CEP20: variants seen among roughly 807,000 people sequenced by gnomAD.
The protein encoded by CEP20 is FGFR1OP N-terminal like.
Under a neutral mutation model 20.0 loss-of-function variants are expected in CEP20, and 18 were observed. The ratio of observed to expected loss-of-function variants is 0.90; its 90% CI spans 0.62 to 1.34. The LOEUF is 1.34. Among genes scored for constraint, CEP20 ranks in the 40% most tolerant of loss-of-function variants. The pLI is 0.00. For synonymous variants in CEP20, 77 were observed against 73.7 expected, an observed-to-expected ratio of 1.04 and a Z score of -0.23; for missense variants, 215 against 201.6, an observed-to-expected ratio of 1.07 and a Z score of -0.40.
intron 1 of CEP20, among the ~76,000 whole-genome samples, chr16:15,884,734 G>T (rs1353626762): frequency 1.3e-5 from 2 of 152,034 alleles, no homozygotes; most frequent in Non-Finnish European, 2.9e-5. Context: ...TCAATCTCCT[G>T]ACCTCGTGAT....
At chr16:15,868,043 G>A (rs2044727823) in intron 4 of CEP20, among the ~76,000 whole-genome samples, 1 of 150,130 alleles carries the variant, frequency 6.7e-6, no homozygotes, top group Non-Finnish European at 1.5e-5. Context: ...ATTCAAAAGA[G>A]TTTCTTGACT....
intron 3 of CEP20, among the ~76,000 whole-genome samples, chr16:15,879,373 A>G (rs1018100813): frequency 3.9e-5 from 6 of 152,174 alleles, no homozygotes; most frequent in Non-Finnish European, 8.8e-5. Context: ...GAGGCCAGGC[A>G]TGGAGGGCTC....
chr16:15,867,228 G>A lies in CEP20; in HGVS notation c.*212C>T, dbSNP rs80132181. On this transcript the variant is annotated 3_prime_UTR_variant, in exon 5 of 5. Coordinates refer to ENST00000255759, the MANE Select transcript of CEP20 (RefSeq NM_144600.4). ...ATCTCAAAAAAACAAAAAATACTTC[G>A]TAAAAACAATACTTTTTTTTTCAAG... 0.011 allele frequency: 4,540 copies of A among 424,578 alleles called. 164 individuals carry two copies. The highest frequency in any genetic ancestry group is 0.082 in the African/African-American group (4,058 of 49,650). 26.3% of individuals were successfully genotyped at this position (424,578 alleles called of 1,614,324 possible).
At chr16:15,888,502 T>C (rs2045300184) in intron 1 of CEP20, 56 bp downstream of exon 1, 8 of 1,612,634 alleles carry the variant, frequency 5.0e-6, no homozygotes, top group Non-Finnish European at 5.1e-6. Flanking sequence ...TCCCATCCTT[T>C]CCACAAGATG....
At chr16:15,882,040 G>A (rs1349606568) in intron 2 of CEP20, among the ~76,000 whole-genome samples, 3 of 152,080 alleles carry the variant, frequency 2.0e-5, no homozygotes, top group Non-Finnish European at 1.5e-5. Flanking sequence ...ATCCCTCATG[G>A]CCTGGTGCTG....
chr16:15,883,391 T>C (rs904824093), intron 2 of CEP20, among the ~76,000 whole-genome samples: 5 of 151,976 alleles, frequency 3.3e-5, no homozygotes, highest in African/African-American at 1.2e-4. Context: ...ACAGGGTCTC[T>C]CTCTGTTGCC....
intron 3 of CEP20, chr16:15,877,183 G>A (rs1383611376): frequency 4.6e-5 from 7 of 152,288 alleles, no homozygotes; most frequent in Admixed American, 1.3e-4. Flanking sequence ...AACATTTCAC[G>A]AATTTGCGTG....
At chr16:15,880,765 T>C (rs746899387) in intron 2 of CEP20, among the ~76,000 whole-genome samples, 1 of 151,740 alleles carries the variant, frequency 6.6e-6, no homozygotes, top group Non-Finnish European at 1.5e-5. Flanking sequence ...TGCCCATCAC[T>C]AGCATCACTG....
At chr16:15,888,459 G>T in intron 1 of CEP20, 99 bp downstream of exon 1, 1 of 1,516,110 alleles carries the variant, frequency 6.6e-7, no homozygotes, top group Non-Finnish European at 9.1e-7. Context: ...GCCTGTAAAA[G>T]CCAACCCATG....
intron 1 of CEP20, among the ~76,000 whole-genome samples, chr16:15,886,360 A>G (rs1003717251): frequency 6.6e-6 from 1 of 152,206 alleles, no homozygotes; most frequent in African/African-American, 2.4e-5. Flanking sequence ...GGTTAAGTAC[A>G]GTTATCACCA....
At chr16:15,873,346 T>C in intron 4 of CEP20, 145 bp downstream of exon 4, 1 of 949,790 alleles carries the variant, frequency 1.1e-6, no homozygotes, top group Non-Finnish European at 1.4e-6. Context: ...GCATTCTGTT[T>C]CTTGGAGTAA....
chr16:15,875,034 C>T (rs898382492), intron 3 of CEP20, among the ~76,000 whole-genome samples: 2 of 152,198 alleles, frequency 1.3e-5, no homozygotes, highest in African/African-American at 4.8e-5. Flanking sequence ...GGCATCTTGA[C>T]TCCAACCTCA....
Position 15,867,417 on chromosome 16 carries a change from C to T in CEP20, c.*23G>A, listed in dbSNP as rs762989983. On this transcript the variant is annotated 3_prime_UTR_variant, in exon 5 of 5. Coordinates refer to ENST00000255759, the MANE Select transcript of CEP20 (RefSeq NM_144600.4). ...TTTAATTAATAATACAATTTTAAGA[C>T]AAAAGATACCCCAAACAAAGCATTA... The T allele has an allele frequency of 1.9e-6, 3 of 1,544,358 alleles. No individual in the cohort carries two copies. Among genetic ancestry groups the T allele is most frequent in the East Asian group, 2.3e-5 (1 of 43,738 alleles).
intron 3 of CEP20, among the ~76,000 whole-genome samples, chr16:15,874,655 T>C (rs533817487): frequency 2.0e-5 from 3 of 152,308 alleles, no homozygotes; most frequent in East Asian, 1.9e-4. Flanking sequence ...TGTGGGTACA[T>C]AGTAGGTGTA....
chr16:15,881,784 A>G (rs72773983), intron 2 of CEP20, among the ~76,000 whole-genome samples: 10,536 of 152,210 alleles, frequency 0.069, 486 homozygotes, highest in East Asian at 0.22. Flanking sequence ...TCACCACTCA[A>G]TAACTGTTAC....
chr16:15,888,578 G>A lies in CEP20; in HGVS notation c.8C>T (p.Thr3Ile), dbSNP rs529279150. The A allele has an allele frequency of 7.3e-5, 118 of 1,614,160 alleles. 1 individual carries two copies. The East Asian group carries it at 2.4e-3, about 33-fold the overall frequency. Reference protein sequence around the residue: MATVAELKAVLKD... With the variant: MAIVAELKAVLKD... ...CTCACCAGCCTTCAACTCTGCCACAGTCGCCATTTTTCAACGGCCGCCAGG... is the reference window on the plus strand; with the variant it reads ...CTCACCAGCCTTCAACTCTGCCACAATCGCCATTTTTCAACGGCCGCCAGG... The change falls in exon 1 of 5, where the codon ACT becomes ATT. Residue 3 changes from threonine to isoleucine, a missense_variant. Physicochemically the swap from Thr to Ile is moderately conservative, Grantham distance 89 (BLOSUM62 -1). Transcript: ENST00000255759.
intron 4 of CEP20, among the ~76,000 whole-genome samples, chr16:15,872,812 A>C (rs1286212249): frequency 6.6e-6 from 1 of 152,116 alleles, no homozygotes; most frequent in African/African-American, 2.4e-5. Context: ...CCAAAAGCTC[A>C]TTTAAAAAAC....
intron 3 of CEP20, among the ~76,000 whole-genome samples, chr16:15,875,216 G>A (rs975006653): frequency 1.2e-4 from 18 of 152,074 alleles, no homozygotes; most frequent in Non-Finnish European, 2.1e-4. Context: ...ATAAGATGCC[G>A]CAACTCTTAT....
intron 3 of CEP20, chr16:15,877,152 TTC>T (rs2044973988): frequency 2.0e-5 from 3 of 152,390 alleles, no homozygotes; most frequent in Admixed American, 6.5e-5. Flanking sequence ...GCGCCCGGCC[TTC>T]TTTTTTAAAA....
Sources: gnomAD v4.1 joint callset for allele counts (sites outside exome capture counted in the v4.1 genomes callset) on GRCh38, gnomAD v4.1.1 for gene constraint, MANE v1.5 for transcripts, NCBI Gene and HGNC (gene_info 2026-07-23, HGNC 2026-07-21) for gene names.